WEE1: variants seen among roughly 807,000 people sequenced by gnomAD.
WEE1 encodes wee1-like protein kinase.
In WEE1, 16 loss-of-function variants were observed where a neutral mutation model predicts 68.8. That is an observed-to-expected ratio of 0.23 (90% CI 0.16 to 0.35). The LOEUF (loss-of-function observed/expected upper bound fraction) is 0.35. WEE1 is among the 10% of genes least tolerant of loss of function. The pLI, the probability that WEE1 is intolerant of heterozygous loss-of-function variation, is 1.00. For synonymous variants in WEE1, 349 were observed against 318.7 expected, an observed-to-expected ratio of 1.09 and a Z score of -1.01; for missense variants, 651 against 824.1, an observed-to-expected ratio of 0.79 and a Z score of 2.57.
chr11:9,577,009 T>C, intron 4 of WEE1, 133 bp from the exon 5 acceptor site: 1 of 943,082 alleles, frequency 1.1e-6, no homozygotes, highest in African/African-American at 1.7e-5. Flanking sequence ...AAACCCCTTC[T>C]CTCTTAAGCA....
At chr11:9,584,079 CAA>C (rs1849673733) in intron 6 of WEE1, among the ~76,000 whole-genome samples, 1 of 151,638 alleles carries the variant, frequency 6.6e-6, no homozygotes, top group Non-Finnish European at 1.5e-5. Context: ...CTTCTGACCT[CAA>C]GTGATCCGCC....
chr11:9,577,996 T>C, intron 5 of WEE1: 1 of 423,512 alleles, frequency 2.4e-6, no homozygotes, highest in Admixed American at 3.0e-5. Context: ...CTGTCATTAT[T>C]ATATACCAAA....
chr11:9,585,053 A>C (rs1258122617), intron 6 of WEE1: 10 of 550,150 alleles, frequency 1.8e-5, no homozygotes, highest in Middle Eastern at 4.8e-4. Context: ...GTGACAGAGC[A>C]CACTGTCTCA....
At chr11:9,583,098 G>A (rs1044349384) in intron 6 of WEE1, among the ~76,000 whole-genome samples, 16 of 150,920 alleles carry the variant, frequency 1.1e-4, no homozygotes, top group African/African-American at 2.7e-4. Context: ...GGCAGATCAC[G>A]AGGCAGGAGT....
Position 9,576,326 on chromosome 11 carries a change from TTTAC to T in WEE1, c.846+36_846+39del. On this transcript the variant is annotated intron_variant, in intron 3 of 10. Coordinates refer to ENST00000450114, the MANE Select transcript of WEE1 (RefSeq NM_003390.4). The surrounding 1 kb of genome is among the most constrained non-coding windows in gnomAD (Gnocchi z 4.3). ...GCTTTTTATTTTTATTTTTTTGAAATTTACTTTTCTGCCACTTAAAGCATGCTAT... is the reference window on the plus strand; with the variant it reads ...GCTTTTTATTTTTATTTTTTTGAAATTTTTCTGCCACTTAAAGCATGCTAT... The T allele has an allele frequency of 6.5e-7, 1 of 1,528,846 alleles. No homozygotes were observed. The highest frequency in any genetic ancestry group is 1.4e-5 in the African/African-American group (1 of 71,872). The allele number at this position is 1,528,846 out of a possible 1,614,324, so 94.7% of individuals were successfully genotyped here. A position where few individuals can be genotyped will look rare whatever the true frequency, so the allele number is the denominator to read the frequency against.
At chr11:9,583,761 GCA>G (rs1157681380) in intron 6 of WEE1, among the ~76,000 whole-genome samples, 140 of 48,888 alleles carry the variant, frequency 2.9e-3, no homozygotes, top group South Asian at 3.6e-3. Flanking sequence ...GCACGCGCGC[GCA>G]CACACACACA....
rs774964765 is a variant in WEE1, at chr11:9,588,586, G to A, written c.1925G>A (p.Ser642Asn). 1 of 1,601,526 alleles carries A rather than the reference G, an allele frequency of 6.2e-7. No homozygotes were observed. The highest frequency in any genetic ancestry group is 8.5e-7 in the Non-Finnish European group (1 of 1,176,176). ...GGAAAGAAAATGAACCGCTCTGTCA[G>A]CCTTACTATATACTGAGCTACTCCT... is the stretch of plus-strand genomic sequence containing the variant. Reference protein sequence around the residue: ...LIGKKMNRSVSLTIY With the variant: ...LIGKKMNRSVNLTIY Residue 642 changes from serine (S) to asparagine (N), a missense_variant, in exon 11 of 11, where the codon AGC becomes AAC. By Grantham distance (46) the Ser-to-Asn change is conservative (BLOSUM62 1). Coordinates refer to ENST00000450114, the MANE Select transcript of WEE1 (RefSeq NM_003390.4).
At position 9,573,984 on chromosome 11, in the gene WEE1, G is replaced by A. The variant is rs1849533821; in HGVS notation, c.51G>A (p.Ala17=). The part of the protein sequence containing the change: ...QQPPPPRRAG[A]ACTLRQKLIF... ...CGCCGCCACCCCGCCGCGCCGGGGC[G>A]GCCTGCACCTTGCGGCAGAAGCTGA... Residue 17 remains alanine, a synonymous_variant, in exon 1 of 11, where the codon GCG becomes GCA. Transcript: ENST00000450114. 4.7e-6 allele frequency: 6 copies of A among 1,289,722 alleles called. No individual in the cohort carries two copies. The highest frequency in any genetic ancestry group is 5.9e-6 in the Non-Finnish European group (6 of 1,018,440). The allele number at this position is 1,289,722 out of a possible 1,614,324, so 79.9% of individuals were successfully genotyped here.
chr11:9,586,841 A>G lies in WEE1; in HGVS notation c.1772A>G (p.Asn591Ser). The G allele has an allele frequency of 6.2e-7, 1 of 1,605,038 alleles. No individual in the cohort carries two copies. The highest frequency in any genetic ancestry group is 8.5e-7 in the Non-Finnish European group (1 of 1,177,828). The stretch of plus-strand genomic sequence containing the variant: ...GAATTGAATGCCGAAAAGTTCAAAA[A>G]TTCACTTTTACAAAAGTAAGTGAGG... ...RIELNAEKFK[N>S]SLLQKELKKA... The change falls in exon 10 of 11, where the codon AAT (asparagine) becomes AGT (serine). Residue 591 changes from asparagine (N) to serine (S), a missense_variant. Transcript: ENST00000450114.
In WEE1 at chr11:9,573,923, C is replaced by G; in HGVS notation, c.-11C>G. On this transcript the variant is annotated 5_prime_UTR_variant, in exon 1 of 11. Transcript: ENST00000450114. ...CGCTCTCCTGTCCTCGGCCCCGTCC[C>G]CAGGGCCGCGATGAGCTTCCTGAGC... The G allele has an allele frequency of 7.9e-6, 10 of 1,263,512 alleles. No individual in the cohort carries two copies. Among genetic ancestry groups the G allele is most frequent in the Non-Finnish European group, 9.9e-6 (10 of 1,005,690 alleles). 78.3% of individuals were successfully genotyped at this position (1,263,512 alleles called of 1,614,324 possible).
Position 9,576,766 on chromosome 11 carries a change from C to T in WEE1, c.1019+107C>T. On this transcript the variant is annotated intron_variant, in intron 4 of 10. Coordinates refer to ENST00000450114, the MANE Select transcript of WEE1 (RefSeq NM_003390.4). This position sits in a 1 kb window ranked among gnomAD's most constrained non-coding sequence, Gnocchi z 4.3. Reference sequence around the variant, plus strand: ...AATTCCATCTCTAACTTTTGAGAAGCTGTAATGATTTAATCAGGTCCTTTT... The same window carrying T: ...AATTCCATCTCTAACTTTTGAGAAGTTGTAATGATTTAATCAGGTCCTTTT... 1 of 1,205,886 alleles carries T rather than the reference C, an allele frequency of 8.3e-7. No individual in the cohort carries two copies. Among genetic ancestry groups the T allele is most frequent in the Non-Finnish European group, 1.2e-6 (1 of 866,148 alleles). 74.7% of individuals were successfully genotyped at this position (1,205,886 alleles called of 1,614,324 possible).
chr11:9,581,735 T>G, intron 6 of WEE1, 57 bp downstream of exon 6: 2 of 1,501,558 alleles, frequency 1.3e-6, no homozygotes, highest in Non-Finnish European at 1.8e-6. Context: ...AATAAATTAC[T>G]TCATTATGAC....
At chr11:9,575,132 C>A (rs1436436024) in intron 1 of WEE1, 2 of 985,342 alleles carry the variant, frequency 2.0e-6, no homozygotes, top group Admixed American at 6.2e-5. Context: ...AGGTCTTGGC[C>A]CAGCATTTGT....
Position 9,574,100 on chromosome 11 carries a change from AAG to A in WEE1, c.170_171del (p.Glu57AlafsTer79). 1 of 1,220,222 alleles carries A rather than the reference AAG, an allele frequency of 8.2e-7. No homozygotes were observed. The highest frequency in any genetic ancestry group is 1.0e-6 in the Non-Finnish European group (1 of 980,746). The allele number at this position is 1,220,222 out of a possible 1,614,324, so 75.6% of individuals were successfully genotyped here. A position where few individuals can be genotyped will look rare whatever the true frequency, so the allele number is the denominator to read the frequency against. ...AGCACCGGGGAGGACTCGGCCTTTC[AAG>A]AGCCCGACTCGCCGCTGCCGCCCGC... On this transcript the variant is annotated frameshift_variant, in exon 1 of 11. Transcript: ENST00000450114. LOFTEE classifies it high-confidence loss of function. This position sits in a 1 kb window ranked among gnomAD's most constrained non-coding sequence, Gnocchi z 4.9.
chr11:9,583,796 CACACACAT>C (rs1287166179), intron 6 of WEE1, among the ~76,000 whole-genome samples: 41 of 26,008 alleles, frequency 1.6e-3, no homozygotes, highest in Admixed American at 2.2e-3. Context: ...CACACACACA[CACACACAT>C]ATATATATAT....
In WEE1 at chr11:9,586,622, G is replaced by A; in HGVS notation, c.1641+3G>A. 6.2e-7 allele frequency: 1 copy of A among 1,613,890 alleles called. No individual in the cohort carries two copies. The highest frequency in any genetic ancestry group is 8.5e-7 in the Non-Finnish European group (1 of 1,179,920). ...AAGAATTTACAGAGTTGCTAAAAGT[G>A]AGCATTTTATATATGAAGCCCTTTA... is the stretch of plus-strand genomic sequence containing the variant. On this transcript the variant is annotated splice_donor_region_variant and intron_variant, in intron 9 of 10. Coordinates refer to ENST00000450114, the MANE Select transcript of WEE1 (RefSeq NM_003390.4).
At chr11:9,583,965 C>T (rs1000202111) in intron 6 of WEE1, among the ~76,000 whole-genome samples, 1 of 150,116 alleles carries the variant, frequency 6.7e-6, no homozygotes, top group African/African-American at 2.5e-5. Context: ...CCTGCCTCAG[C>T]CTCCCTAGTG....
At position 9,574,578 on chromosome 11, in the gene WEE1, G is replaced by T. The variant is rs1849542743; in HGVS notation, c.576+69G>T. The T allele has an allele frequency of 8.7e-7, 1 of 1,148,120 alleles. No homozygotes were observed. The highest frequency in any genetic ancestry group is 4.2e-5 in the South Asian group (1 of 24,054). The allele number at this position is 1,148,120 out of a possible 1,614,324, so 71.1% of individuals were successfully genotyped here. ...GCCGGAGGGGCCAGCGCCGCTGCCT[G>T]GGTTCGGTTACAGAAGCGGCCGGCC... On this transcript the variant is annotated intron_variant, in intron 1 of 10. Coordinates refer to ENST00000450114, the MANE Select transcript of WEE1 (RefSeq NM_003390.4). This position sits in a 1 kb window ranked among gnomAD's most constrained non-coding sequence, Gnocchi z 4.9.
At chr11:9,581,345 C>T (rs917683461) in intron 5 of WEE1, 187 bp from the exon 6 acceptor site, 62 of 535,446 alleles carry the variant, frequency 1.2e-4, no homozygotes, top group Non-Finnish European at 1.9e-4. Flanking sequence ...TATTTTGTAC[C>T]CATGCAAATG....
Sources: gnomAD v4.1 joint callset for allele counts (sites outside exome capture counted in the v4.1 genomes callset) on GRCh38, gnomAD v4.1.1 for gene constraint, Gnocchi (gnomAD v3.1) non-coding constraint, MANE v1.5 for transcripts, NCBI Gene and HGNC (gene_info 2026-07-23, HGNC 2026-07-21) for gene names.